YLPM1: variants seen among roughly 807,000 people sequenced by gnomAD.
The protein encoded by YLPM1 is YLP motif containing 1.
YLPM1 carries 99 observed loss-of-function variants against 230.0 expected under a neutral mutation model. That is an observed-to-expected ratio of 0.43 (90% CI 0.37 to 0.51). The LOEUF (loss-of-function observed/expected upper bound fraction) is 0.51, where lower values mean the gene tolerates loss of function less well. YLPM1 is among the 20% of genes least tolerant of loss of function. The pLI is 0.00. For missense variants in YLPM1, 2,592 were observed against 2,707.7 expected, an observed-to-expected ratio of 0.96 and a Z score of 0.95; for synonymous variants, 984 against 942.5, an observed-to-expected ratio of 1.04 and a Z score of -0.81.
chr14:74,799,258 T>A lies in YLPM1; in HGVS notation c.3961T>A (p.Ser1321Thr). The change falls in exon 5 of 21, where the codon TCA (serine) becomes ACA (threonine). Residue 1321 changes from serine (S) to threonine (T), a missense_variant. This residue lies in a region of YLPM1 where 1,862 missense variants were observed against 1,819.8 expected (regional missense o/e 1.02). Coordinates refer to ENST00000325680, the MANE Select transcript of YLPM1 (RefSeq NM_019589.3). ...DYGRPLDEQE[S>T]QFRERDIPSL... ...TGGGAGACCACTGGATGAACAAGAA[T>A]CACAGTTTCGTGAACGGGATATTCC... 6.2e-7 allele frequency: 1 copy of A among 1,613,966 alleles called. No homozygotes were observed. Among genetic ancestry groups the A allele is most frequent in the Non-Finnish European group, 8.5e-7 (1 of 1,179,882 alleles).
intron 2 of YLPM1, 146 bp downstream of exon 2, chr14:74,778,829 A>G (rs1169439118): frequency 3.0e-6 from 2 of 663,024 alleles, no homozygotes; most frequent in African/African-American, 1.8e-5. Flanking sequence ...TGTCTGTTGT[A>G]TCAGGTTTAT....
chr14:74,797,864 C>G lies in YLPM1; in HGVS notation c.2567C>G (p.Ala856Gly), dbSNP rs371117365. ...CATCAGCAGCAACCTAAGTCACAAG[C>G]AGAACCTCTTTCAGGAAACAAAGAA... ...QQHQQQPKSQ[A>G]EPLSGNKEPL... Residue 856 changes from alanine (A) to glycine (G), a missense_variant, in exon 5 of 21, where the codon GCA (alanine) becomes GGA (glycine). Ala to Gly is a moderately conservative substitution (Grantham distance 60). Transcript: ENST00000325680. 6.2e-6 allele frequency: 10 copies of G among 1,613,854 alleles called. No individual in the cohort carries two copies. Among genetic ancestry groups the G allele is most frequent in the Non-Finnish European group, 8.5e-6 (10 of 1,179,902 alleles).
intron 15 of YLPM1, 148 bp downstream of exon 15, chr14:74,817,425 A>G: frequency 1.3e-6 from 1 of 786,092 alleles, no homozygotes; most frequent in South Asian, 2.0e-5. Flanking sequence ...GTTTAAGTAC[A>G]CAAATACTTC....
chr14:74,798,850 C>T lies in YLPM1; in HGVS notation c.3553C>T (p.Arg1185Trp), dbSNP rs772946272. The T allele has an allele frequency of 4.6e-5, 74 of 1,613,682 alleles. 1 individual carries two copies. Among genetic ancestry groups the T allele is most frequent in the Admixed American group, 8.3e-5 (5 of 59,986 alleles). Residue 1185 changes from arginine to tryptophan, a missense_variant, in exon 5 of 21, where the codon CGG (arginine) becomes TGG (tryptophan). By Grantham distance (101) the Arg-to-Trp change is moderately radical. Transcript: ENST00000325680. ...TGGGGAAAAAATGTATCCATATCACCGGGATGAGCCTCCTAGGGCTCCATG... is the reference window on the plus strand; with the variant it reads ...TGGGGAAAAAATGTATCCATATCACTGGGATGAGCCTCCTAGGGCTCCATG... ...DGGEKMYPYH[R>W]DEPPRAPWNH...
At chr14:74,805,705 T>C (rs1334045709) in intron 6 of YLPM1, among the ~76,000 whole-genome samples, 1 of 95,182 alleles carries the variant, frequency 1.1e-5, no homozygotes, top group South Asian at 5.0e-4. Flanking sequence ...ATAAGCATAC[T>C]TTTTTTTTTT....
chr14:74,789,080 G>A (rs949701570), intron 4 of YLPM1, among the ~76,000 whole-genome samples: 1 of 152,090 alleles, frequency 6.6e-6, no homozygotes, highest in Non-Finnish European at 1.5e-5. Flanking sequence ...GTTTAAATGA[G>A]TTTGTTTCTG....
rs771069457 is a variant in YLPM1 at position 74,798,853 on chromosome 14, G to A, written c.3556G>A (p.Asp1186Asn). 6.2e-7 allele frequency: 1 copy of A among 1,613,772 alleles called. No homozygotes were observed. The highest frequency in any genetic ancestry group is 8.5e-7 in the Non-Finnish European group (1 of 1,179,862). ...GGAAAAAATGTATCCATATCACCGG[G>A]ATGAGCCTCCTAGGGCTCCATGGAA... Reference protein sequence around the residue: ...GGEKMYPYHRDEPPRAPWNHG... With the variant: ...GGEKMYPYHRNEPPRAPWNHG... Residue 1186 changes from aspartate to asparagine, a missense_variant, in exon 5 of 21, where the codon GAT becomes AAT. Transcript: ENST00000325680.
chr14:74,796,959 T>G (rs2140107284), intron 4 of YLPM1, among the ~76,000 whole-genome samples: 1 of 146,960 alleles, frequency 6.8e-6, no homozygotes, highest in South Asian at 2.1e-4. Context: ...GGCACAGTAT[T>G]TATAATTGCT....
intron 4 of YLPM1, among the ~76,000 whole-genome samples, chr14:74,788,729 G>A (rs963804526): frequency 3.3e-5 from 5 of 152,258 alleles, no homozygotes; most frequent in Admixed American, 2.6e-4. Flanking sequence ...TGTGGTCCCA[G>A]TTATGTGGGA....
chr14:74,817,367 C>T, intron 15 of YLPM1, 90 bp downstream of exon 15: 1 of 1,132,268 alleles, frequency 8.8e-7, no homozygotes, highest in East Asian at 2.6e-5. Context: ...ATGGTGGTCC[C>T]ATAAGATTAT....
chr14:74,810,347 C>G lies in YLPM1; in HGVS notation c.5155C>G (p.Arg1719Gly), dbSNP rs978256389. 1.2e-6 allele frequency: 2 copies of G among 1,613,498 alleles called. No individual in the cohort carries two copies. The highest frequency in any genetic ancestry group is 1.7e-6 in the Non-Finnish European group (2 of 1,179,818). ...FKRDRETHRD[R>G]DRDRGVIDYD... Reference sequence around the variant, plus strand: ...AAGGGATCGTGAGACACATAGAGATCGAGACCGGGATCGTGGTGTTATTGA... The same window carrying G: ...AAGGGATCGTGAGACACATAGAGATGGAGACCGGGATCGTGGTGTTATTGA... Residue 1719 changes from arginine (R) to glycine (G), a missense_variant, in exon 9 of 21, where the codon CGA becomes GGA. Physicochemically the swap from Arg to Gly is moderately radical, Grantham distance 125. Around this residue, in one of 4 missense-constraint regions of YLPM1, gnomAD observed 403 missense variants for 426.7 expected, o/e 0.94. Coordinates refer to ENST00000325680, the MANE Select transcript of YLPM1 (RefSeq NM_019589.3).
At chr14:74,772,687 C>G (rs369128549) in intron 1 of YLPM1, among the ~76,000 whole-genome samples, 1 of 152,074 alleles carries the variant, frequency 6.6e-6, no homozygotes, top group African/African-American at 2.4e-5. Context: ...GTTTGAAATC[C>G]CTTCATTCAA....
chr14:74,808,910 T>G (rs2091406143), intron 6 of YLPM1, among the ~76,000 whole-genome samples: 1 of 152,228 alleles, frequency 6.6e-6, no homozygotes, highest in Admixed American at 6.5e-5. Context: ...GGGTTTTTCT[T>G]TCCTATATCC....
At chr14:74,764,831 A>T (rs2090895436) in intron 1 of YLPM1, among the ~76,000 whole-genome samples, 1 of 152,184 alleles carries the variant, frequency 6.6e-6, no homozygotes, top group Non-Finnish European at 1.5e-5. Context: ...GGGGCCAGGG[A>T]TAGTTGTCAG....
Position 74,781,984 on chromosome 14 carries a change from A to G in YLPM1, c.1941A>G (p.Thr647=). The G allele has an allele frequency of 6.2e-7, 1 of 1,613,750 alleles. No individual in the cohort carries two copies. Among genetic ancestry groups the G allele is most frequent in the African/African-American group, 1.3e-5 (1 of 75,030 alleles). Residue 647 remains threonine (T), a synonymous_variant, in exon 4 of 21, where the codon ACA becomes ACG. Coordinates refer to ENST00000325680, the MANE Select transcript of YLPM1 (RefSeq NM_019589.3). The stretch of plus-strand genomic sequence containing the variant: ...CACAAGGGATACCTCCTCAGTTAAC[A>G]GCAGCCCCAGTTCCACCAGCCTCCA... ...GVPQGIPPQL[T]AAPVPPASSS... is the part of the protein sequence containing the mutation.
At chr14:74,792,562 T>C (rs977982245) in intron 4 of YLPM1, among the ~76,000 whole-genome samples, 1 of 152,206 alleles carries the variant, frequency 6.6e-6, no homozygotes, top group Admixed American at 6.5e-5. Context: ...CACTGCTCCA[T>C]GCCCTCCAAA....
chr14:74,818,434 T>C, intron 16 of YLPM1, 120 bp downstream of exon 16: 1 of 654,182 alleles, frequency 1.5e-6, no homozygotes, highest in Middle Eastern at 3.0e-4. Flanking sequence ...GAACACCTAC[T>C]GATATGCCTT....
In YLPM1 at chr14:74,764,006, T is replaced by G. The variant is rs2090881135; in HGVS notation, c.517T>G (p.Ser173Ala). 1 of 1,540,356 alleles carries G rather than the reference T, an allele frequency of 6.5e-7. No individual in the cohort carries two copies. ...CATGCCCCCACCTCAGCCGCCACCC[T>G]CTTACTACCCCCCGACCTCATCTCA... The part of the protein sequence containing the change: ...SYMPPPQPPP[S>A]YYPPTSSQPY... Residue 173 changes from serine (S) to alanine (A), a missense_variant, in exon 1 of 21, where the codon TCT (serine) becomes GCT (alanine). Around this residue, in one of 4 missense-constraint regions of YLPM1, gnomAD observed 1,862 missense variants for 1,819.8 expected, o/e 1.02. Coordinates refer to ENST00000325680, the MANE Select transcript of YLPM1 (RefSeq NM_019589.3).
chr14:74,808,530 C>T (rs754841859), intron 6 of YLPM1, among the ~76,000 whole-genome samples: 2 of 151,900 alleles, frequency 1.3e-5, no homozygotes, highest in African/African-American at 2.4e-5. Context: ...TGGCCGGGTG[C>T]GGTGGCTCAT....
Sources: allele counts gnomAD v4.1 joint callset (sites outside exome capture counted in the v4.1 genomes callset), GRCh38; gene constraint gnomAD v4.1.1; regional missense constraint gnomAD v4.1.1; transcripts MANE v1.5; gene names NCBI Gene and HGNC (gene_info 2026-07-23, HGNC 2026-07-21).